Variants in CNIH3 observed in about 807,000 individuals in gnomAD.
CNIH3 encodes the protein cornichon family AMPA receptor auxiliary protein 3.
A neutral mutation model predicts 24.1 loss-of-function variants in CNIH3; 14 were observed. The observed-to-expected ratio is 0.58, with a 90% CI of 0.38 to 0.91. The LOEUF (loss-of-function observed/expected upper bound fraction) is 0.91. Among genes scored for constraint, CNIH3 ranks in the 40% least tolerant of loss-of-function variants. CNIH3 has a pLI of 0.00. For synonymous variants in CNIH3, 68 were observed against 73.8 expected, an observed-to-expected ratio of 0.92 and a Z score of 0.40; for missense variants, 178 against 196.8, an observed-to-expected ratio of 0.90 and a Z score of 0.57.
chr1:224,692,407 A>G (rs749064154), intron 3 of CNIH3, among the ~76,000 whole-genome samples: 2 of 152,146 alleles, frequency 1.3e-5, no homozygotes, highest in Non-Finnish European at 2.9e-5. Context: ...TTTAGCTGTT[A>G]ATACGGTTCT....
chr1:224,539,897 T>G (rs1679445717), downstream of CNIH3, among the ~76,000 whole-genome samples: 1 of 152,238 alleles, frequency 6.6e-6, no homozygotes, highest in Non-Finnish European at 1.5e-5. Flanking sequence ...ATATTATAGT[T>G]AATTGCCTTC....
rs1486308662 is a variant in CNIH3 at position 224,617,106 on chromosome 1, G to T, written c.-69G>T. 2 of 1,589,280 alleles carry T rather than the reference G, an allele frequency of 1.3e-6. No homozygotes were observed. The highest frequency in any genetic ancestry group is 2.7e-5 in the African/African-American group (2 of 74,134). On this transcript the variant is annotated 5_prime_UTR_variant, in exon 1 of 6. Coordinates refer to ENST00000272133, the MANE Select transcript of CNIH3 (RefSeq NM_152495.2). ...GACGCGGCTCCTTGGAGGGAGTGCGGTCCTCTAGGGAGGCATCGGGCTCCT... is the reference window on the plus strand; with the variant it reads ...GACGCGGCTCCTTGGAGGGAGTGCGTTCCTCTAGGGAGGCATCGGGCTCCT...
chr1:224,487,654 A>C (rs1677079100), intron 1 of CNIH3, among the ~76,000 whole-genome samples: 1 of 152,240 alleles, frequency 6.6e-6, no homozygotes, highest in Admixed American at 6.5e-5. Context: ...AATTGTATAG[A>C]AGAAGCTTCC....
intron 1 of CNIH3, among the ~76,000 whole-genome samples, chr1:224,476,046 C>G (rs761326288): frequency 1.3e-5 from 2 of 152,148 alleles, no homozygotes; most frequent in Non-Finnish European, 2.9e-5. Flanking sequence ...ATTCAACATC[C>G]CTTCATGATA....
intron 3 of CNIH3, among the ~76,000 whole-genome samples, chr1:224,608,510 T>C (rs912711071): frequency 6.6e-6 from 1 of 152,246 alleles, no homozygotes; most frequent in Non-Finnish European, 1.5e-5. Context: ...GGGGGATGCA[T>C]GCACTGGTAA....
intron 3 of CNIH3, chr1:224,717,792 C>A (rs1450895952): frequency 1.3e-5 from 2 of 152,226 alleles, no homozygotes; most frequent in Non-Finnish European, 2.9e-5. Flanking sequence ...AAGGGACCAG[C>A]CAGCGCTAGA....
intron 1 of CNIH3, among the ~76,000 whole-genome samples, chr1:224,483,922 G>A (rs1171782317): frequency 6.6e-6 from 1 of 152,140 alleles, no homozygotes; most frequent in East Asian, 1.9e-4. Context: ...TGTAATCCCA[G>A]CACTTTGGGA....
intron 1 of CNIH3, among the ~76,000 whole-genome samples, chr1:224,656,407 C>G (rs1315448104): frequency 2.0e-5 from 3 of 152,144 alleles, no homozygotes; most frequent in Admixed American, 1.3e-4. Context: ...CGATCCTAAG[C>G]CTACCAAAAA....
At chr1:224,640,390 A>C (rs1181494442) in intron 1 of CNIH3, among the ~76,000 whole-genome samples, 1 of 152,182 alleles carries the variant, frequency 6.6e-6, no homozygotes, top group Non-Finnish European at 1.5e-5. Flanking sequence ...CACTGCTCCC[A>C]GCCCTTCAAC....
intron 3 of CNIH3, among the ~76,000 whole-genome samples, chr1:224,560,634 C>T (rs1467273126): frequency 6.6e-6 from 1 of 151,640 alleles, no homozygotes; most frequent in African/African-American, 2.4e-5. Context: ...GTTACATGCT[C>T]CTTATGAAAA....
chr1:224,564,510 A>G (rs547812331), intron 3 of CNIH3, among the ~76,000 whole-genome samples: 1 of 152,176 alleles, frequency 6.6e-6, no homozygotes, highest in Non-Finnish European at 1.5e-5. Flanking sequence ...AACCCCTCCC[A>G]CTGGCAACCC....
At chr1:224,655,575 T>G (rs925460919) in intron 1 of CNIH3, among the ~76,000 whole-genome samples, 2 of 152,196 alleles carry the variant, frequency 1.3e-5, no homozygotes, top group Admixed American at 6.5e-5. Context: ...GAGCCACTCC[T>G]AATGAGCAAC....
chr1:224,653,598 G>C (rs1160137768), intron 1 of CNIH3, among the ~76,000 whole-genome samples: 3 of 152,218 alleles, frequency 2.0e-5, no homozygotes, highest in African/African-American at 7.2e-5. Context: ...CTCCTGTGAA[G>C]AAATCTATTA....
intron 1 of CNIH3, among the ~76,000 whole-genome samples, chr1:224,660,661 G>C (rs1374497907): frequency 1.3e-5 from 2 of 152,104 alleles, no homozygotes; most frequent in Admixed American, 6.6e-5. Flanking sequence ...CAAATTGCCA[G>C]CATTTATGCA....
chr1:224,629,161 C>T (rs566730774), intron 1 of CNIH3, among the ~76,000 whole-genome samples: 35 of 152,090 alleles, frequency 2.3e-4, no homozygotes, highest in Middle Eastern at 3.4e-3. Context: ...TACATGCCAC[C>T]ATGCCTGGCT....
intron 3 of CNIH3, among the ~76,000 whole-genome samples, chr1:224,711,252 A>G (rs1688126189): frequency 6.6e-6 from 1 of 152,188 alleles, no homozygotes; most frequent in Non-Finnish European, 1.5e-5. Context: ...ATATTTAAAT[A>G]ATGTTTCTTC....
intron 1 of CNIH3, among the ~76,000 whole-genome samples, chr1:224,627,833 C>T (rs546518317): frequency 3.1e-4 from 47 of 152,248 alleles, no homozygotes; most frequent in African/African-American, 1.1e-3. Flanking sequence ...GCCACTGCCA[C>T]GATGGGCCTT....
rs140272717 is a variant in CNIH3 at position 224,624,307 on chromosome 1, T to G, written c.81+7052T>G. On this transcript the variant is annotated intron_variant, in intron 1 of 5. Coordinates refer to ENST00000272133, the MANE Select transcript of CNIH3 (RefSeq NM_152495.2). ...AAATGTTGTTTTTCTGGGGCCCTGT[T>G]TCTCCTCCATCTCCCCTGTGGGTTC... is the stretch of plus-strand genomic sequence containing the variant. Among the ~76,000 whole-genome samples the G allele has an allele frequency of 4.0e-3, 611 of 152,256 alleles. 4 individuals carry two copies. Among genetic ancestry groups the G allele is most frequent in the African/African-American group, 0.014 (584 of 41,546 alleles).
chr1:224,502,665 C>G (rs548668035), intron 1 of CNIH3, among the ~76,000 whole-genome samples: 1 of 151,016 alleles, frequency 6.6e-6, no homozygotes, highest in South Asian at 2.1e-4. Flanking sequence ...GAGCAACCCC[C>G]CTGCTTACAT....
Sources: allele counts gnomAD v4.1 joint callset (sites outside exome capture counted in the v4.1 genomes callset), GRCh38; gene constraint gnomAD v4.1.1; transcripts MANE v1.5; gene names NCBI Gene and HGNC (gene_info 2026-07-23, HGNC 2026-07-21).